MAML2: variants seen among roughly 807,000 people sequenced by gnomAD.
MAML2 encodes mastermind-like protein 2.
In MAML2, 22 loss-of-function variants were observed where a neutral mutation model predicts 96.1. The observed-to-expected ratio is 0.23, with a 90% CI of 0.16 to 0.33. The LOEUF (loss-of-function observed/expected upper bound fraction) is 0.33, where lower values mean the gene tolerates loss of function less well. MAML2 is among the 10% of genes least tolerant of loss of function. The pLI is 1.00. For synonymous variants in MAML2, 561 were observed against 521.3 expected, an observed-to-expected ratio of 1.08 and a Z score of -1.04; for missense variants, 1,367 against 1,392.4, an observed-to-expected ratio of 0.98 and a Z score of 0.29.
intron 1 of MAML2, among the ~76,000 whole-genome samples, chr11:96,242,639 C>T (rs1337312596): frequency 1.3e-5 from 2 of 151,872 alleles, no homozygotes; most frequent in Non-Finnish European, 2.9e-5. Flanking sequence ...TCTGCACCTG[C>T]TCACGAAACA....
At chr11:96,051,760 A>G (rs1158380496) in intron 2 of MAML2, among the ~76,000 whole-genome samples, 1 of 152,256 alleles carries the variant, frequency 6.6e-6, no homozygotes, top group Admixed American at 6.5e-5. Context: ...CATCAGGAGA[A>G]CCAGGGAGAT....
intron 1 of MAML2, among the ~76,000 whole-genome samples, chr11:96,139,473 T>A (rs1860697874): frequency 6.7e-6 from 1 of 148,726 alleles, no homozygotes; most frequent in Non-Finnish European, 1.5e-5. Context: ...CGAGACTCTG[T>A]CTTAAAAAAA....
Position 96,341,680 on chromosome 11 carries a change from G to A in MAML2, c.216C>T (p.Ser72=). The change falls in exon 1 of 5, where the codon AGC becomes AGT. Residue 72 remains serine (S), a synonymous_variant. Coordinates refer to ENST00000524717, the MANE Select transcript of MAML2 (RefSeq NM_032427.4). ...GTACAAGGCTCAGGAGCTGCAAGGT[G>A]CTTTCTCTTTCCCGGTCTGAGCTCT... is the stretch of plus-strand genomic sequence containing the variant. ...RAESSDRERE[S]TLQLLSLVQH... 1 of 1,596,350 alleles carries A rather than the reference G, an allele frequency of 6.3e-7. No homozygotes were observed.
chr11:96,122,072 A>T lies in MAML2; in HGVS notation c.514-28555T>A, dbSNP rs531578750. Among the ~76,000 whole-genome samples, 426 of 142,342 alleles carry T rather than the reference A, an allele frequency of 3.0e-3. 4 individuals carry two copies. Among genetic ancestry groups the T allele is most frequent in the African/African-American group, 0.011 (411 of 38,074 alleles). The allele number at this position is 142,342 out of a possible 152,430, so 93.4% of individuals were successfully genotyped here. ...TGATCCGCCTGCCTCGGCCTCCCAA[A>T]GTGCTCGGATTACAGGCGTGAGCCA... On this transcript the variant is annotated intron_variant, in intron 1 of 4. Transcript: ENST00000524717.
chr11:96,336,746 AC>A (rs1485145679), intron 1 of MAML2, among the ~76,000 whole-genome samples: 1 of 152,192 alleles, frequency 6.6e-6, no homozygotes, highest in East Asian at 1.9e-4. Context: ...AAAAACAAAA[AC>A]AGCTAATTAT....
At chr11:96,020,916 T>G (rs1858425602) in intron 2 of MAML2, among the ~76,000 whole-genome samples, 1 of 152,174 alleles carries the variant, frequency 6.6e-6, no homozygotes, top group Admixed American at 6.5e-5. Flanking sequence ...CCAGAAACTC[T>G]CCTCTTTGAA....
intron 1 of MAML2, among the ~76,000 whole-genome samples, chr11:96,331,839 T>C (rs1243325481): frequency 1.3e-5 from 2 of 151,584 alleles, no homozygotes; most frequent in African/African-American, 4.9e-5. Flanking sequence ...AAAAAAGCTT[T>C]AATTTCTTCA....
At chr11:96,009,047 A>T (rs1049177529) in intron 2 of MAML2, among the ~76,000 whole-genome samples, 1 of 152,210 alleles carries the variant, frequency 6.6e-6, no homozygotes, top group Non-Finnish European at 1.5e-5. Flanking sequence ...ATGTTAATAA[A>T]TATTTTGAGA....
chr11:96,297,441 G>A (rs1007336415), intron 1 of MAML2, among the ~76,000 whole-genome samples: 5 of 151,970 alleles, frequency 3.3e-5, no homozygotes, highest in Non-Finnish European at 2.9e-5. Context: ...TGGGTGTGGT[G>A]GTGCATGCCT....
chr11:96,091,324 C>T (rs927047225), intron 2 of MAML2, among the ~76,000 whole-genome samples: 2 of 152,158 alleles, frequency 1.3e-5, no homozygotes, highest in Non-Finnish European at 2.9e-5. Flanking sequence ...TCTCCCTTTC[C>T]TTACTGTGCT....
chr11:96,190,699 G>A (rs1249278469), intron 1 of MAML2, among the ~76,000 whole-genome samples: 4 of 152,162 alleles, frequency 2.6e-5, no homozygotes, highest in Non-Finnish European at 4.4e-5. Context: ...GACATTTAAC[G>A]GGGATAAATG....
chr11:95,989,811 G>A (rs1857883404), intron 3 of MAML2, among the ~76,000 whole-genome samples: 1 of 152,112 alleles, frequency 6.6e-6, no homozygotes, highest in Non-Finnish European at 1.5e-5. Context: ...CTTATTCCAG[G>A]TCAAATAAAT....
At chr11:96,053,688 T>G (rs921614842) in intron 2 of MAML2, among the ~76,000 whole-genome samples, 6 of 152,198 alleles carry the variant, frequency 3.9e-5, no homozygotes, top group African/African-American at 1.4e-4. Context: ...TCCTGTGTAC[T>G]TATGTTTCTA....
At chr11:96,181,247 TAAGAAG>T (rs1245554405) in intron 1 of MAML2, among the ~76,000 whole-genome samples, 1 of 152,108 alleles carries the variant, frequency 6.6e-6, no homozygotes, top group Non-Finnish European at 1.5e-5. Flanking sequence ...AAATTTCACC[TAAGAAG>T]AAGGCAGACA....
chr11:96,109,633 G>A (rs527283963), intron 1 of MAML2, among the ~76,000 whole-genome samples: 3 of 152,194 alleles, frequency 2.0e-5, no homozygotes, highest in Non-Finnish European at 4.4e-5. Flanking sequence ...CAAATTTCCG[G>A]ATTAGTGACT....
At chr11:96,250,872 AAG>A (rs1862572718) in intron 1 of MAML2, among the ~76,000 whole-genome samples, 2 of 152,222 alleles carry the variant, frequency 1.3e-5, no homozygotes, top group Admixed American at 1.3e-4. Context: ...ATATTGCAAA[AAG>A]AGGATTTCTC....
At position 95,979,809 on chromosome 11, in the gene MAML2, A is replaced by G. The variant is rs1283162531; in HGVS notation, c.2610T>C (p.Tyr870=). 1 of 1,613,834 alleles carries G rather than the reference A, an allele frequency of 6.2e-7. No individual in the cohort carries two copies. The highest frequency in any genetic ancestry group is 2.2e-5 in the East Asian group (1 of 44,900). Residue 870 remains tyrosine (Y), a synonymous_variant, in exon 5 of 5, where the codon TAT becomes TAC. Coordinates refer to ENST00000524717, the MANE Select transcript of MAML2 (RefSeq NM_032427.4). ...TAGGTTGATTACAAGGCAGATTTCC[A>G]TACATCCCCATATTCTGAACTGCTG... The part of the protein sequence containing the change: ...LSTAVQNMGM[Y]GNLPCNQPNT...
intron 2 of MAML2, among the ~76,000 whole-genome samples, chr11:96,088,526 C>T (rs181211002): frequency 2.3e-4 from 35 of 152,282 alleles, no homozygotes; most frequent in African/African-American, 8.2e-4. Context: ...ATTGCATCCC[C>T]GTCTTGCCCT....
intron 2 of MAML2, among the ~76,000 whole-genome samples, chr11:96,045,301 C>G (rs1463757627): frequency 1.3e-5 from 2 of 152,118 alleles, no homozygotes; most frequent in African/African-American, 4.8e-5. Context: ...GAGTATGGTG[C>G]CTGCATATTA....
Sources: allele counts gnomAD v4.1 joint callset (sites outside exome capture counted in the v4.1 genomes callset), GRCh38; gene constraint gnomAD v4.1.1; transcripts MANE v1.5; gene names NCBI Gene and HGNC (gene_info 2026-07-23, HGNC 2026-07-21).